Variants in NRG3 observed in about 807,000 individuals in gnomAD.
NRG3 encodes pro-neuregulin-3, membrane-bound isoform.
NRG3 carries 31 observed loss-of-function variants against 66.9 expected under a neutral mutation model. The observed-to-expected ratio is 0.46, with a 90% CI of 0.35 to 0.63. The LOEUF is 0.63. Ranked by LOEUF, NRG3 falls within the 20% of genes least tolerant of loss-of-function variation. The probability of loss-of-function intolerance (pLI) is 0.00; values close to 1 mark genes in which losing one functional copy is unlikely to be tolerated. For synonymous variants in NRG3, 393 were observed against 359.4 expected, an observed-to-expected ratio of 1.09 and a Z score of -1.06; for missense variants, 910 against 878.9, an observed-to-expected ratio of 1.04 and a Z score of -0.45.
intron 2 of NRG3, among the ~76,000 whole-genome samples, chr10:82,366,450 T>C (rs1283132212): frequency 6.6e-6 from 1 of 152,206 alleles, no homozygotes; most frequent in Non-Finnish European, 1.5e-5. Context: ...ATCGCTAATT[T>C]TAATACTTTG....
At chr10:82,040,692 G>A (rs1231311411) in intron 1 of NRG3, among the ~76,000 whole-genome samples, 1 of 151,878 alleles carries the variant, frequency 6.6e-6, no homozygotes, top group Non-Finnish European at 1.5e-5. Flanking sequence ...CACACCCTAG[G>A]AAGGGTCAAG....
intron 1 of NRG3, among the ~76,000 whole-genome samples, chr10:82,320,004 A>G (rs978985209): frequency 6.6e-6 from 1 of 152,226 alleles, no homozygotes; most frequent in African/African-American, 2.4e-5. Flanking sequence ...GGATGTGTGT[A>G]AGTAAATCAA....
intron 2 of NRG3, among the ~76,000 whole-genome samples, chr10:82,640,797 A>G (rs2133809213): frequency 6.6e-6 from 1 of 152,300 alleles, no homozygotes. Context: ...CAAGTGGTAG[A>G]TAAATAAGGT....
intron 8 of NRG3, 98 bp downstream of exon 8, chr10:82,979,218 A>T: frequency 8.0e-7 from 1 of 1,252,834 alleles, no homozygotes; most frequent in East Asian, 2.4e-5. Context: ...TCATTGATTT[A>T]TTCATTAACT....
chr10:82,055,440 G>T (rs1405027003), intron 1 of NRG3, among the ~76,000 whole-genome samples: 1 of 145,320 alleles, frequency 6.9e-6, no homozygotes, highest in Non-Finnish European at 1.5e-5. Flanking sequence ...TTGCACCACT[G>T]CCCTCCAGCC....
At chr10:82,609,971 C>G (rs2048207422) in intron 2 of NRG3, among the ~76,000 whole-genome samples, 1 of 152,140 alleles carries the variant, frequency 6.6e-6, no homozygotes, top group Non-Finnish European at 1.5e-5. Context: ...TCTACCAAGG[C>G]TGGGCTTTTA....
chr10:82,031,446 A>C (rs1040252371), intron 1 of NRG3, among the ~76,000 whole-genome samples: 2 of 152,172 alleles, frequency 1.3e-5, no homozygotes, highest in Non-Finnish European at 2.9e-5. Flanking sequence ...AAGGTTATAC[A>C]GATAGAAATT....
At chr10:82,128,217 T>G (rs2068580470) in intron 1 of NRG3, among the ~76,000 whole-genome samples, 1 of 152,074 alleles carries the variant, frequency 6.6e-6, no homozygotes, top group African/African-American at 2.4e-5. Flanking sequence ...GCACCATCAC[T>G]TAAGAGTATG....
chr10:82,363,478 C>G (rs866581743), intron 2 of NRG3, among the ~76,000 whole-genome samples: 1 of 151,474 alleles, frequency 6.6e-6, no homozygotes, highest in African/African-American at 2.4e-5. Context: ...TTTTTTGAGA[C>G]GGAGTCTCGC....
intron 4 of NRG3, 54 bp downstream of exon 4, chr10:82,865,491 T>G: frequency 6.5e-7 from 1 of 1,529,320 alleles, no homozygotes; most frequent in Admixed American, 1.7e-5. Context: ...AGCTTTATGA[T>G]GTACATAGTG....
At chr10:82,501,295 C>G (rs1218550610) in intron 2 of NRG3, among the ~76,000 whole-genome samples, 1 of 152,122 alleles carries the variant, frequency 6.6e-6, no homozygotes, top group East Asian at 1.9e-4. Flanking sequence ...CTACTATGAC[C>G]CTAGTGCTTC....
chr10:82,592,153 A>G (rs1023872064), intron 2 of NRG3, among the ~76,000 whole-genome samples: 3 of 152,232 alleles, frequency 2.0e-5, no homozygotes, highest in African/African-American at 4.8e-5. Context: ...TCAGTGAAAC[A>G]TAAGATTATT....
chr10:82,165,728 G>A (rs1164275936), intron 1 of NRG3, among the ~76,000 whole-genome samples: 2 of 151,638 alleles, frequency 1.3e-5, no homozygotes, highest in African/African-American at 2.4e-5. Flanking sequence ...ACAGAGGAAT[G>A]TACAGGAGAC....
chr10:82,080,997 C>A (rs1292968104), intron 1 of NRG3, among the ~76,000 whole-genome samples: 1 of 152,174 alleles, frequency 6.6e-6, no homozygotes, highest in Non-Finnish European at 1.5e-5. Context: ...ATCTGGTCCT[C>A]ACTGTCAGCT....
intron 1 of NRG3, among the ~76,000 whole-genome samples, chr10:82,112,110 G>A (rs2067422815): frequency 6.6e-6 from 1 of 152,090 alleles, no homozygotes; most frequent in Non-Finnish European, 1.5e-5. Flanking sequence ...TGGGCATGGT[G>A]GCACATGCCT....
chr10:82,888,093 T>TCC (rs1257725826), intron 4 of NRG3, among the ~76,000 whole-genome samples: 2 of 152,182 alleles, frequency 1.3e-5, no homozygotes, highest in Non-Finnish European at 1.5e-5. Flanking sequence ...TTATAAGAGC[T>TCC]CCCTTGGTGT....
At chr10:82,365,649 G>A (rs182296007) in intron 2 of NRG3, among the ~76,000 whole-genome samples, 189 of 152,160 alleles carry the variant, frequency 1.2e-3, no homozygotes, top group Non-Finnish European at 2.4e-3. Context: ...CGACCTCTTT[G>A]TATTAAAATT....
Position 82,979,652 on chromosome 10 carries a change from A to G in NRG3, c.1583+532A>G, listed in dbSNP as rs532000954. 4.6e-5 allele frequency among the ~76,000 whole-genome samples: 7 copies of G among 152,266 alleles called. No homozygotes were observed. The South Asian group carries it at 1.0e-3, about 23-fold the overall frequency. On this transcript the variant is annotated intron_variant, in intron 8 of 8. Transcript: ENST00000372141. ...TTAGGGGTAGACGGGTGGGCTTTGGACACCATTGCTGCTACTCTTTACAGT... is the reference window on the plus strand; with the variant it reads ...TTAGGGGTAGACGGGTGGGCTTTGGGCACCATTGCTGCTACTCTTTACAGT...
intron 1 of NRG3, among the ~76,000 whole-genome samples, chr10:81,911,590 C>T (rs11191766): frequency 0.089 from 12,923 of 145,146 alleles, 661 homozygotes; most frequent in South Asian, 0.19. Context: ...TCTTCACCCT[C>T]TAGCACAGAC....
Sources: allele counts gnomAD v4.1 joint callset (sites outside exome capture counted in the v4.1 genomes callset), GRCh38; gene constraint gnomAD v4.1.1; transcripts MANE v1.5; gene names NCBI Gene and HGNC (gene_info 2026-07-23, HGNC 2026-07-21).